PCSK5: variants seen among roughly 807,000 people sequenced by gnomAD.
PCSK5 encodes prohormone convertase 5.
In PCSK5, 129 loss-of-function variants were observed where a neutral mutation model predicts 233.2. The ratio of observed to expected loss-of-function variants is 0.55; its 90% CI spans 0.48 to 0.64. PCSK5 has a LOEUF of 0.64. Among genes scored for constraint, PCSK5 ranks in the 30% least tolerant of loss-of-function variants. The probability of loss-of-function intolerance (pLI) is 0.00; values close to 1 mark genes in which losing one functional copy is unlikely to be tolerated. For synonymous variants in PCSK5, 825 were observed against 879.2 expected (o/e 0.94, Z 1.09); for missense variants, 2,076 against 2,430.1 (o/e 0.85, Z 3.06).
At chr9:76,307,531 C>T (rs566358470) in intron 28 of PCSK5, among the ~76,000 whole-genome samples, 3 of 152,062 alleles carry the variant, frequency 2.0e-5, no homozygotes, top group Non-Finnish European at 2.9e-5. Flanking sequence ...GAAATTGTCC[C>T]ATGGAGTTGC....
chr9:76,297,246 C>A (rs1217705010), intron 27 of PCSK5, among the ~76,000 whole-genome samples: 1 of 152,242 alleles, frequency 6.6e-6, no homozygotes, highest in Non-Finnish European at 1.5e-5. Context: ...GTCCTTATTA[C>A]ATGTCCTTTT....
At chr9:76,191,241 T>C (rs1378174456) in intron 20 of PCSK5, among the ~76,000 whole-genome samples, 1 of 152,218 alleles carries the variant, frequency 6.6e-6, no homozygotes, top group Non-Finnish European at 1.5e-5. Flanking sequence ...TGGAACAATC[T>C]GACTGACATG....
intron 8 of PCSK5, among the ~76,000 whole-genome samples, chr9:76,106,245 C>T (rs1459053616): frequency 6.6e-6 from 1 of 152,216 alleles, no homozygotes; most frequent in Non-Finnish European, 1.5e-5. Flanking sequence ...AGACCACTAA[C>T]TCCTCTCACA....
intron 30 of PCSK5, among the ~76,000 whole-genome samples, chr9:76,316,740 C>CAAAAA (rs58485029): frequency 1.5e-4 from 10 of 64,636 alleles, no homozygotes; most frequent in Admixed American, 2.2e-4. Flanking sequence ...CTTGTCTCAC[C>CAAAAA]AAAAAAAAAA....
intron 3 of PCSK5, among the ~76,000 whole-genome samples, chr9:76,005,310 G>T (rs184549911): frequency 6.6e-6 from 1 of 152,070 alleles, no homozygotes; most frequent in African/African-American, 2.4e-5. Flanking sequence ...TGATAATACA[G>T]TTAGGTTAAT....
chr9:76,221,740 C>T (rs1200206128), intron 20 of PCSK5, among the ~76,000 whole-genome samples: 2 of 152,154 alleles, frequency 1.3e-5, no homozygotes, highest in Non-Finnish European at 2.9e-5. Flanking sequence ...AACGTGTAGG[C>T]TGAAGGAAAC....
At chr9:75,935,367 G>A (rs982933688) in intron 2 of PCSK5, among the ~76,000 whole-genome samples, 1 of 152,212 alleles carries the variant, frequency 6.6e-6, no homozygotes, top group South Asian at 2.1e-4. Context: ...GAGCCCGGCC[G>A]ATATTCACAT....
At chr9:76,098,466 C>A (rs1831625056) in intron 8 of PCSK5, among the ~76,000 whole-genome samples, 1 of 152,182 alleles carries the variant, frequency 6.6e-6, no homozygotes, top group Non-Finnish European at 1.5e-5. Context: ...AATAAGAAGA[C>A]CTTGTGTCTT....
rs146353806 is a variant in PCSK5 at position 76,292,893 on chromosome 9, G to A, written c.3185+618G>A. 3.7e-3 allele frequency among the ~76,000 whole-genome samples: 565 copies of A among 152,330 alleles called. 2 individuals are homozygous for A. The highest frequency in any genetic ancestry group is 0.013 in the African/African-American group (535 of 41,580). ...AGGAGCTGCAAAGGAAAGGAAGTCCGTGGGTGATGCATGGGCTGCATAATC... is the reference window on the plus strand; with the variant it reads ...AGGAGCTGCAAAGGAAAGGAAGTCCATGGGTGATGCATGGGCTGCATAATC... On this transcript the variant is annotated intron_variant, in intron 25 of 37. Coordinates refer to ENST00000674117, the MANE Select transcript of PCSK5 (RefSeq NM_001372043.1).
intron 3 of PCSK5, among the ~76,000 whole-genome samples, chr9:76,018,345 C>T (rs1828039654): frequency 6.6e-6 from 1 of 152,210 alleles, no homozygotes; most frequent in Non-Finnish European, 1.5e-5. Flanking sequence ...AAGCCCCGGG[C>T]TGCGGACCAG....
chr9:76,318,894 A>G lies in PCSK5; in HGVS notation c.3885-2528A>G, dbSNP rs1829109408. On this transcript the variant is annotated intron_variant, in intron 30 of 37. Coordinates refer to ENST00000674117, the MANE Select transcript of PCSK5 (RefSeq NM_001372043.1). Reference sequence around the variant, plus strand: ...AGTTAGGCTCTAACAAAAAGAAAAAAATAATAAAACTTGGGTCACATAGGG... The same window carrying G: ...AGTTAGGCTCTAACAAAAAGAAAAAGATAATAAAACTTGGGTCACATAGGG... 2.6e-5 allele frequency among the ~76,000 whole-genome samples: 4 copies of G among 152,244 alleles called. No individual in the cohort carries two copies. In the South Asian group the frequency reaches 8.3e-4, roughly 31 times the overall value.
At chr9:76,199,017 G>T (rs944377388) in intron 20 of PCSK5, among the ~76,000 whole-genome samples, 2 of 152,124 alleles carry the variant, frequency 1.3e-5, no homozygotes, top group African/African-American at 2.4e-5. Flanking sequence ...AAAATCAAAT[G>T]ATATCTTTAT....
chr9:76,351,448 G>A (rs10869760), intron 36 of PCSK5, among the ~76,000 whole-genome samples: 28,051 of 42,160 alleles, frequency 0.67, 9,778 homozygotes, highest in East Asian at 0.82. Context: ...TGAAAGAAAG[G>A]AAAGAAAGAA....
At position 76,159,056 on chromosome 9, in the gene PCSK5, G is replaced by A; in HGVS notation, c.1504G>A (p.Val502Ile). The change falls in exon 12 of 38, where the codon GTC becomes ATC. Residue 502 changes from valine to isoleucine, a missense_variant. Coordinates refer to ENST00000674117, the MANE Select transcript of PCSK5 (RefSeq NM_001372043.1). Reference sequence around the variant, plus strand: ...CTGCTCGGATAACCCCAACCGCCATGTCAACTACCTGGAGCACGTCGTTGT... The same window carrying A: ...CTGCTCGGATAACCCCAACCGCCATATCAACTACCTGGAGCACGTCGTTGT... ...SGCSDNPNRH[V>I]NYLEHVVVRI... 1 of 1,614,136 alleles carries A rather than the reference G, an allele frequency of 6.2e-7. No homozygotes were observed.
chr9:76,355,275 G>C (rs187423888), intron 37 of PCSK5, among the ~76,000 whole-genome samples: 2 of 152,052 alleles, frequency 1.3e-5, no homozygotes, highest in Non-Finnish European at 2.9e-5. Flanking sequence ...GATCGAGAAC[G>C]TCCTGGCTAA....
At chr9:76,320,337 G>C (rs991987767) in intron 30 of PCSK5, among the ~76,000 whole-genome samples, 2 of 151,210 alleles carry the variant, frequency 1.3e-5, no homozygotes, top group Admixed American at 6.6e-5. Flanking sequence ...GGCTGAGGCA[G>C]GAGAATCGCT....
At chr9:76,192,276 A>G (rs186381668) in intron 20 of PCSK5, among the ~76,000 whole-genome samples, 1 of 152,204 alleles carries the variant, frequency 6.6e-6, no homozygotes, top group East Asian at 1.9e-4. Flanking sequence ...TGAAGTGGGA[A>G]AAGAAGAATC....
chr9:76,000,243 A>T (rs908052245), intron 3 of PCSK5, among the ~76,000 whole-genome samples: 26 of 152,252 alleles, frequency 1.7e-4, no homozygotes, highest in South Asian at 8.3e-4. Context: ...CTGCAATCTC[A>T]TGGGGTCATT....
intron 3 of PCSK5, among the ~76,000 whole-genome samples, chr9:76,002,725 T>C (rs1264577779): frequency 6.6e-6 from 1 of 152,080 alleles, no homozygotes; most frequent in African/African-American, 2.4e-5. Context: ...GGGAAACAAG[T>C]GAAAGAAGGA....
Sources: allele counts gnomAD v4.1 joint callset (sites outside exome capture counted in the v4.1 genomes callset), GRCh38; gene constraint gnomAD v4.1.1; transcripts MANE v1.5; gene names NCBI Gene and HGNC (gene_info 2026-07-23, HGNC 2026-07-21).